Variants in FBXO28 observed in about 807,000 individuals in gnomAD.
FBXO28 encodes F-box only protein 28.
In FBXO28, 8 loss-of-function variants were observed where a neutral mutation model predicts 38.1. The ratio of observed to expected loss-of-function variants is 0.21; its 90% CI spans 0.12 to 0.38. The LOEUF (loss-of-function observed/expected upper bound fraction) is 0.38, where lower values mean the gene tolerates loss of function less well. FBXO28 is among the 10% of genes least tolerant of loss of function. FBXO28 has a pLI of 1.00. For synonymous variants in FBXO28, 168 were observed against 173.8 expected (o/e 0.97, Z 0.26); for missense variants, 345 against 460.6 (o/e 0.75, Z 2.30).
At chr1:224,120,288 G>A (rs1656741798) in intron 1 of FBXO28, among the ~76,000 whole-genome samples, 1 of 152,096 alleles carries the variant, frequency 6.6e-6, no homozygotes, top group South Asian at 2.1e-4. Flanking sequence ...AATATCTTGG[G>A]CCTCTGCAAA....
intron 1 of FBXO28, among the ~76,000 whole-genome samples, chr1:224,118,919 A>G (rs1013257121): frequency 2.6e-5 from 4 of 152,156 alleles, no homozygotes; most frequent in Non-Finnish European, 5.9e-5. Context: ...CACATGTCAT[A>G]TTGCTTCTGG....
intron 3 of FBXO28, among the ~76,000 whole-genome samples, chr1:224,150,026 T>G (rs1657603380): frequency 6.6e-6 from 1 of 152,192 alleles, no homozygotes; most frequent in African/African-American, 2.4e-5. Context: ...GGGGACAACA[T>G]TTAAAAATTA....
chr1:224,128,596 A>G (rs546407162), intron 1 of FBXO28, among the ~76,000 whole-genome samples: 1 of 152,172 alleles, frequency 6.6e-6, no homozygotes, highest in Non-Finnish European at 1.5e-5. Context: ...TAGCTGACTC[A>G]GGTTTTCAAA....
Position 224,114,220 on chromosome 1 carries a change from C to G in FBXO28, c.91C>G (p.Arg31Gly), listed in dbSNP as rs199693184. Residue 31 changes from arginine to glycine, a missense_variant, in exon 1 of 5, where the codon CGA becomes GGA. This residue lies in a region of FBXO28 where 104 missense variants were observed against 82.0 expected (regional missense o/e 1.27). Coordinates refer to ENST00000366862, the MANE Select transcript of FBXO28 (RefSeq NM_015176.4). ...CTCTTTGGCCTCCGGCTCTACCCAGCGACAGCCTCCACCGCCCGCGCCACA... is the reference window on the plus strand; with the variant it reads ...CTCTTTGGCCTCCGGCTCTACCCAGGGACAGCCTCCACCGCCCGCGCCACA... ...GSSLASGSTQ[R>G]QPPPPAPQHP... 2 of 1,550,230 alleles carry G rather than the reference C, an allele frequency of 1.3e-6. No individual in the cohort carries two copies. The highest frequency in any genetic ancestry group is 1.7e-6 in the Non-Finnish European group (2 of 1,147,384).
In FBXO28 at chr1:224,153,187, A is replaced by G; in HGVS notation, c.562A>G (p.Arg188Gly). 1.2e-6 allele frequency: 2 copies of G among 1,609,608 alleles called. No individual in the cohort carries two copies. The highest frequency in any genetic ancestry group is 1.7e-6 in the Non-Finnish European group (2 of 1,178,610). ...TGTGTTGAGATATGTCAATTCTACC[A>G]GAGCCCCTCAACGAGCTCATGAAGT... ...YRVLRYVNST[R>G]APQRAHEVLQ... The change falls in exon 4 of 5, where the codon AGA (arginine) becomes GGA (glycine). Residue 188 changes from arginine to glycine, a missense_variant. Transcript: ENST00000366862.
intron 1 of FBXO28, among the ~76,000 whole-genome samples, chr1:224,114,648 C>T (rs1034959499): frequency 1.7e-5 from 2 of 115,900 alleles, no homozygotes; most frequent in Non-Finnish European, 3.8e-5. Flanking sequence ...CCTTGCCCCC[C>T]GCCCGGAAGC....
intron 1 of FBXO28, among the ~76,000 whole-genome samples, chr1:224,120,831 C>G (rs550569324): frequency 7.3e-4 from 107 of 145,916 alleles, no homozygotes; most frequent in Admixed American, 1.4e-3. Context: ...CCATTGCACG[C>G]CAGCCTGGGC....
chr1:224,149,987 G>A (rs1279442949), intron 3 of FBXO28, among the ~76,000 whole-genome samples: 34 of 152,232 alleles, frequency 2.2e-4, no homozygotes, highest in Admixed American at 2.2e-3. Flanking sequence ...TGGCCAGTTT[G>A]TATCTATAGA....
intron 1 of FBXO28, among the ~76,000 whole-genome samples, chr1:224,129,343 A>G (rs1188528490): frequency 2.6e-5 from 4 of 152,202 alleles, no homozygotes; most frequent in African/African-American, 9.7e-5. Flanking sequence ...TCCATCTCAA[A>G]AAGATATTTT....
chr1:224,114,449 A>ACAT, intron 1 of FBXO28, 53 bp downstream of exon 1: 2 of 1,111,296 alleles, frequency 1.8e-6, no homozygotes, highest in South Asian at 3.2e-5. Flanking sequence ...GAGGTCTGGG[A>ACAT]GATGAGAAGG....
At chr1:224,127,200 GTGTGTGTGTT>G (rs1656926075) in intron 1 of FBXO28, among the ~76,000 whole-genome samples, 2 of 150,648 alleles carry the variant, frequency 1.3e-5, no homozygotes, top group South Asian at 4.2e-4. Context: ...GTGTGTGTGT[GTGTGTGTGTT>G]TATGTTTGGC....
At chr1:224,119,141 T>TTTC (rs1442151955) in intron 1 of FBXO28, among the ~76,000 whole-genome samples, 6 of 140,996 alleles carry the variant, frequency 4.3e-5, no homozygotes, top group Non-Finnish European at 7.7e-5. Flanking sequence ...TTTTCTTTTT[T>TTTC]TTTTTTTTTT....
chr1:224,150,678 T>C (rs1283739855), intron 3 of FBXO28, among the ~76,000 whole-genome samples: 1 of 152,164 alleles, frequency 6.6e-6, no homozygotes. Context: ...TTACTATTTC[T>C]ACCTGAAAGA....
At chr1:224,151,512 C>G (rs545769567) in intron 3 of FBXO28, among the ~76,000 whole-genome samples, 20 of 152,252 alleles carry the variant, frequency 1.3e-4, no homozygotes, top group Non-Finnish European at 1.3e-4. Context: ...TGTCCTGATA[C>G]GATTCTGCAA....
At chr1:224,141,121 G>T (rs144395112) in intron 3 of FBXO28, among the ~76,000 whole-genome samples, 2,108 of 152,152 alleles carry the variant, frequency 0.014, 24 homozygotes, top group Middle Eastern at 0.031. Flanking sequence ...GGCGGAGGCT[G>T]CAGTGAGCCG....
intron 3 of FBXO28, among the ~76,000 whole-genome samples, chr1:224,148,494 CA>C (rs879444877): frequency 6.0e-5 from 9 of 150,894 alleles, no homozygotes; most frequent in Admixed American, 5.9e-4. Flanking sequence ...ACTAAAAATA[CA>C]AAAAAAAGAG....
chr1:224,129,141 G>A (rs561881927), intron 1 of FBXO28, among the ~76,000 whole-genome samples: 4 of 152,244 alleles, frequency 2.6e-5, no homozygotes, highest in Non-Finnish European at 5.9e-5. Flanking sequence ...AGGAGTTCGA[G>A]ACCAGTCTGA....
intron 2 of FBXO28, among the ~76,000 whole-genome samples, chr1:224,132,554 C>T (rs547336396): frequency 6.6e-6 from 1 of 152,228 alleles, no homozygotes; most frequent in Admixed American, 6.5e-5. Context: ...GCCTGTAATG[C>T]CAGCAGTTTG....
intron 1 of FBXO28, among the ~76,000 whole-genome samples, chr1:224,114,820 G>A (rs111294133): frequency 0.016 from 2,369 of 152,306 alleles, 65 homozygotes; most frequent in African/African-American, 0.054. Context: ...TCCCAGCCAG[G>A]TTTGGTTTAT....
Sources: gnomAD v4.1 joint callset for allele counts (sites outside exome capture counted in the v4.1 genomes callset) on GRCh38, gnomAD v4.1.1 for gene constraint, gnomAD v4.1.1 regional missense constraint, MANE v1.5 for transcripts, NCBI Gene and HGNC (gene_info 2026-07-23, HGNC 2026-07-21) for gene names.